Variants in AP2A2 observed in about 807,000 individuals in gnomAD.
The protein encoded by AP2A2 is AP-2 complex subunit alpha-2.
A neutral mutation model predicts 104.2 loss-of-function variants in AP2A2; 32 were observed. The ratio of observed to expected loss-of-function variants is 0.31; its 90% CI spans 0.23 to 0.41. AP2A2 has a LOEUF of 0.41. Among genes scored for constraint, AP2A2 ranks in the 10% least tolerant of loss-of-function variants. The probability of loss-of-function intolerance (pLI) is 1.00; values close to 1 mark genes in which losing one functional copy is unlikely to be tolerated. For missense variants in AP2A2, 912 were observed against 1,261.0 expected, an observed-to-expected ratio of 0.72 and a Z score of 4.19; for synonymous variants, 539 against 533.3, an observed-to-expected ratio of 1.01 and a Z score of -0.15.
chr11:964,329 GT>G (rs1854541206), intron 2 of AP2A2, among the ~76,000 whole-genome samples: 1 of 152,236 alleles, frequency 6.6e-6, no homozygotes, highest in African/African-American at 2.4e-5. Context: ...AAGGGAGCCT[GT>G]GGGTCTGACT....
chr11:981,029 C>T (rs1043688681), intron 5 of AP2A2, among the ~76,000 whole-genome samples, 169 bp from the exon 6 acceptor site: 6 of 152,238 alleles, frequency 3.9e-5, no homozygotes, highest in Admixed American at 2.0e-4. Context: ...AGAAAATCTG[C>T]ATGTGCCATC....
At chr11:974,699 AAAG>A (rs1215127651) in intron 4 of AP2A2, among the ~76,000 whole-genome samples, 1 of 45,756 alleles carries the variant, frequency 2.2e-5, no homozygotes, top group Non-Finnish European at 6.5e-5. Context: ...AAAAAAAAAA[AAAG>A]AAAGCTGGGC....
chr11:1,009,646 C>T (rs12801861), intron 20 of AP2A2, 37 bp from the exon 21 acceptor site: 49 of 1,473,134 alleles, frequency 3.3e-5, no homozygotes, highest in African/African-American at 4.2e-5. Context: ...CCCGCGACCC[C>T]GCGCCAGGGT....
intron 1 of AP2A2, among the ~76,000 whole-genome samples, chr11:953,994 C>G (rs892630442): frequency 2.0e-5 from 3 of 152,084 alleles, no homozygotes; most frequent in African/African-American, 7.2e-5. Flanking sequence ...GCCACCATGC[C>G]TGGCTAATTT....
chr11:959,753 C>T (rs1327477097), intron 2 of AP2A2, among the ~76,000 whole-genome samples: 3 of 152,158 alleles, frequency 2.0e-5, no homozygotes, highest in East Asian at 1.9e-4. Context: ...AGCTGCATGT[C>T]GCAGTATTAG....
At chr11:950,194 C>T (rs1293843739) in intron 1 of AP2A2, among the ~76,000 whole-genome samples, 1 of 152,032 alleles carries the variant, frequency 6.6e-6, no homozygotes, top group Non-Finnish European at 1.5e-5. Context: ...AAATGGACTC[C>T]TACCTTACAC....
chr11:1,009,859 T>C (rs1199879028), intron 21 of AP2A2, 42 bp downstream of exon 21: 1 of 1,522,686 alleles, frequency 6.6e-7, no homozygotes. Context: ...TGAGTTGCTT[T>C]TTATTCTGGC....
intron 7 of AP2A2, 154 bp from the exon 8 acceptor site, chr11:985,281 C>G: frequency 9.7e-7 from 1 of 1,030,210 alleles, no homozygotes. Flanking sequence ...CCGTGCCCGG[C>G]CTGTCTCAGT....
intron 15 of AP2A2, among the ~76,000 whole-genome samples, chr11:1,002,239 C>T (rs1288023008): frequency 4.6e-5 from 7 of 152,382 alleles, no homozygotes; most frequent in Non-Finnish European, 7.3e-5. Context: ...CGTGGCCCCT[C>T]GCGTGGAGTG....
At position 925,923 on chromosome 11, in the gene AP2A2, C is replaced by G. The variant is rs1399201433; in HGVS notation, c.-99C>G. On this transcript the variant is annotated 5_prime_UTR_variant, in exon 1 of 22. Coordinates refer to ENST00000448903, the MANE Select transcript of AP2A2 (RefSeq NM_012305.4). ...CCGTGGTTAGGCGGCTCCCCGGCGG[C>G]TCCTCCGCGGCGGTGACGGCGACCG... is the stretch of plus-strand genomic sequence containing the variant. 6.4e-6 allele frequency: 6 copies of G among 940,966 alleles called. No individual in the cohort carries two copies. The highest frequency in any genetic ancestry group is 2.9e-5 in the South Asian group (1 of 34,400). 58.3% of individuals were successfully genotyped at this position (940,966 alleles called of 1,614,324 possible). A position where few individuals can be genotyped will look rare whatever the true frequency, so the allele number is the denominator to read the frequency against.
chr11:951,317 A>T (rs1405593594), intron 1 of AP2A2, among the ~76,000 whole-genome samples: 1 of 152,122 alleles, frequency 6.6e-6, no homozygotes, highest in African/African-American at 2.4e-5. Context: ...ACCTGAGGTC[A>T]GGAGTTTGAG....
rs763345380 is a variant in AP2A2 at position 1,011,021 on chromosome 11, T to C, written c.*396T>C. On this transcript the variant is annotated 3_prime_UTR_variant, in exon 22 of 22. Coordinates refer to ENST00000448903, the MANE Select transcript of AP2A2 (RefSeq NM_012305.4). Reference sequence around the variant, plus strand: ...CTGGGAGCAGCAGTGCCACTGTGCATGGCGTGGGCTGAGCCTTGGTGTGTG... The same window carrying C: ...CTGGGAGCAGCAGTGCCACTGTGCACGGCGTGGGCTGAGCCTTGGTGTGTG... 1 of 671,002 alleles carries C rather than the reference T, an allele frequency of 1.5e-6. No individual in the cohort carries two copies. The highest frequency in any genetic ancestry group is 1.7e-5 in the African/African-American group (1 of 57,562). 41.6% of individuals were successfully genotyped at this position (671,002 alleles called of 1,614,324 possible). A position where few individuals can be genotyped will look rare whatever the true frequency, so the allele number is the denominator to read the frequency against.
At chr11:1,007,716 TTGTG>T (rs1361986575) in intron 17 of AP2A2, 3 of 471,024 alleles carry the variant, frequency 6.4e-6, no homozygotes, top group Non-Finnish European at 3.8e-6. Context: ...GTGACAAAAA[TTGTG>T]TGTGTAAGAC....
rs532487986 is a variant in AP2A2, at chr11:989,489, G to A, written c.1269+800G>A. On this transcript the variant is annotated intron_variant, in intron 10 of 21. Coordinates refer to ENST00000448903, the MANE Select transcript of AP2A2 (RefSeq NM_012305.4). Reference sequence around the variant, plus strand: ...TCCTGTGGGCAAAATTCTTTTAATTGTGTTGCATTTTGAGCCCTTGAATTA... The same window carrying A: ...TCCTGTGGGCAAAATTCTTTTAATTATGTTGCATTTTGAGCCCTTGAATTA... Among the ~76,000 whole-genome samples the A allele has an allele frequency of 4.6e-5, 7 of 152,342 alleles. No homozygotes were observed. In the South Asian group the frequency reaches 1.2e-3, roughly 27 times the overall value.
At chr11:933,337 A>G (rs963051726) in intron 1 of AP2A2, among the ~76,000 whole-genome samples, 1 of 152,244 alleles carries the variant, frequency 6.6e-6, no homozygotes, top group African/African-American at 2.4e-5. Flanking sequence ...CCAGACTTAG[A>G]TTATAAAACC....
intron 6 of AP2A2, 53 bp from the exon 7 acceptor site, chr11:984,592 G>A (rs556343079): frequency 3.2e-5 from 46 of 1,450,442 alleles, no homozygotes; most frequent in Middle Eastern, 3.5e-4. Flanking sequence ...TTGGGTCCCC[G>A]CAGTAGGGGC....
At chr11:980,451 AGCG>A in intron 5 of AP2A2, among the ~76,000 whole-genome samples, 1 of 43,080 alleles carries the variant, frequency 2.3e-5, no homozygotes, top group Admixed American at 2.8e-4. Context: ...CGTGTCCTGG[AGCG>A]GTGACAGGGT....
At chr11:961,309 G>A (rs917194485) in intron 2 of AP2A2, among the ~76,000 whole-genome samples, 1 of 149,980 alleles carries the variant, frequency 6.7e-6, no homozygotes, top group South Asian at 2.1e-4. Flanking sequence ...GAAAAGTAAA[G>A]GGCAGAAGCA....
rs777858745 is a variant in AP2A2 at position 981,224 on chromosome 11, G to A, written c.630G>A (p.Leu210=). 9.9e-6 allele frequency: 16 copies of A among 1,613,356 alleles called. No homozygotes were observed. Among genetic ancestry groups the A allele is most frequent in the East Asian group, 2.2e-5 (1 of 44,898 alleles). Residue 210 remains leucine, a synonymous_variant, in exon 6 of 22, where the codon CTG becomes CTA. Transcript: ENST00000448903. The part of the protein sequence containing the change: ...HLGVVTAATS[L]ITTLAQKNPE... ...GTGTGGTAACTGCAGCCACAAGTCTGATCACCACTTTAGCACAGAAGAACC... is the reference window on the plus strand; with the variant it reads ...GTGTGGTAACTGCAGCCACAAGTCTAATCACCACTTTAGCACAGAAGAACC...
Sources: gnomAD v4.1 joint callset for allele counts (sites outside exome capture counted in the v4.1 genomes callset) on GRCh38, gnomAD v4.1.1 for gene constraint, MANE v1.5 for transcripts, NCBI Gene and HGNC (gene_info 2026-07-23, HGNC 2026-07-21) for gene names.